LAMA2: variants seen among roughly 807,000 people sequenced by gnomAD.
LAMA2 encodes the protein laminin subunit alpha 2.
LAMA2 carries 269 observed loss-of-function variants against 364.8 expected under a neutral mutation model. That is an observed-to-expected ratio of 0.74 (90% confidence interval 0.67 to 0.82). The LOEUF is 0.82. Ranked by LOEUF, LAMA2 falls within the 40% of genes least tolerant of loss-of-function variation. LAMA2 has a pLI of 0.00. For missense variants in LAMA2, 3,807 were observed against 3,873.2 expected (o/e 0.98, Z 0.45); for synonymous variants, 1,379 against 1,370.6 (o/e 1.01, Z -0.14).
At chr6:129,354,060 G>A (rs1693213183) in intron 32 of LAMA2, among the ~76,000 whole-genome samples, 1 of 152,184 alleles carries the variant, frequency 6.6e-6, no homozygotes, top group African/African-American at 2.4e-5. Context: ...TAAGGAAGGA[G>A]TGCTCTTCTA....
chr6:129,144,550 T>C (rs1778319755), intron 5 of LAMA2, among the ~76,000 whole-genome samples: 1 of 151,904 alleles, frequency 6.6e-6, no homozygotes, highest in Non-Finnish European at 1.5e-5. Flanking sequence ...AACCTTAATG[T>C]GTATGGGATT....
chr6:129,219,697 AATC>A (rs1300558342), intron 12 of LAMA2, among the ~76,000 whole-genome samples: 65 of 142,150 alleles, frequency 4.6e-4, no homozygotes, highest in African/African-American at 1.5e-3. Context: ...TGAAATTGGA[AATC>A]ATCATTCTCA....
chr6:129,389,330 C>T (rs567509930), intron 35 of LAMA2, among the ~76,000 whole-genome samples: 47 of 152,302 alleles, frequency 3.1e-4, no homozygotes, highest in Non-Finnish European at 6.3e-4. Flanking sequence ...TGCCTTATAA[C>T]TGAAATGCAT....
chr6:128,992,172 C>T (rs1427935225), intron 1 of LAMA2, among the ~76,000 whole-genome samples: 5 of 152,176 alleles, frequency 3.3e-5, no homozygotes, highest in Non-Finnish European at 5.9e-5. Flanking sequence ...GTGAGGACAG[C>T]AATTCGTGCT....
intron 1 of LAMA2, among the ~76,000 whole-genome samples, chr6:128,911,881 A>T (rs920498504): frequency 2.6e-5 from 4 of 152,162 alleles, no homozygotes; most frequent in African/African-American, 9.7e-5. Flanking sequence ...AATTTCCTTT[A>T]TATGAAACAC....
intron 1 of LAMA2, among the ~76,000 whole-genome samples, chr6:128,986,995 A>G (rs1783282235): frequency 6.6e-6 from 1 of 152,004 alleles, no homozygotes; most frequent in South Asian, 2.1e-4. Context: ...AATATTATAT[A>G]TATAAATAGT....
intron 23 of LAMA2, among the ~76,000 whole-genome samples, chr6:129,313,819 A>C (rs1774381095): frequency 1.3e-5 from 2 of 152,228 alleles, no homozygotes; most frequent in Admixed American, 1.3e-4. Flanking sequence ...AATGGCCTTG[A>C]GAATTGAGGA....
intron 1 of LAMA2, among the ~76,000 whole-genome samples, chr6:128,935,279 T>A (rs766206624): frequency 1.4e-5 from 2 of 141,950 alleles, no homozygotes; most frequent in Non-Finnish European, 3.1e-5. Context: ...TGTGTTCTCA[T>A]TGTTCAACTC....
intron 15 of LAMA2, among the ~76,000 whole-genome samples, chr6:129,261,691 G>A (rs1054851147): frequency 6.6e-6 from 1 of 151,998 alleles, no homozygotes; most frequent in Admixed American, 6.6e-5. Context: ...AATACTCTAG[G>A]CATTGCTTTG....
At chr6:128,907,684 G>C (rs913122055) in intron 1 of LAMA2, among the ~76,000 whole-genome samples, 1 of 152,124 alleles carries the variant, frequency 6.6e-6, no homozygotes, top group Non-Finnish European at 1.5e-5. Context: ...GAATAGGAGT[G>C]GTGAGAGAGG....
chr6:129,113,897 G>T (rs953316207), intron 4 of LAMA2, among the ~76,000 whole-genome samples: 5 of 152,010 alleles, frequency 3.3e-5, no homozygotes, highest in Non-Finnish European at 7.4e-5. Flanking sequence ...AGGAGAGATA[G>T]TTTGGAACAT....
At chr6:129,202,899 T>A (rs1278824832) in intron 12 of LAMA2, among the ~76,000 whole-genome samples, 1 of 152,170 alleles carries the variant, frequency 6.6e-6, no homozygotes, top group Non-Finnish European at 1.5e-5. Context: ...AGATGGAAAT[T>A]TACTCCTACA....
At chr6:129,130,106 A>G (rs1441230442) in intron 4 of LAMA2, among the ~76,000 whole-genome samples, 1 of 152,248 alleles carries the variant, frequency 6.6e-6, no homozygotes, top group East Asian at 1.9e-4. Flanking sequence ...AGAAAGGATT[A>G]GAAACAGAAA....
At chr6:128,987,334 G>T (rs942288392) in intron 1 of LAMA2, among the ~76,000 whole-genome samples, 1 of 151,558 alleles carries the variant, frequency 6.6e-6, no homozygotes, top group African/African-American at 2.4e-5. Flanking sequence ...GGTAGAGACG[G>T]GTTTCACCAT....
intron 2 of LAMA2, 24 bp from the exon 3 acceptor site, chr6:129,059,760 C>T (rs753966648): frequency 2.0e-5 from 28 of 1,375,208 alleles, no homozygotes; most frequent in Non-Finnish European, 2.7e-5. Flanking sequence ...TTCTTCCTTT[C>T]ATATGATGCT....
At chr6:129,035,715 G>A (rs114391289) in intron 1 of LAMA2, among the ~76,000 whole-genome samples, 307 of 151,576 alleles carry the variant, frequency 2.0e-3, no homozygotes, top group African/African-American at 7.1e-3. Context: ...TCATTCTTCC[G>A]CTAGCCAGTT....
intron 12 of LAMA2, among the ~76,000 whole-genome samples, chr6:129,211,585 A>T (rs1261625671): frequency 2.6e-5 from 4 of 152,208 alleles, no homozygotes; most frequent in Non-Finnish European, 5.9e-5. Flanking sequence ...TGCCCGTGGT[A>T]AGTGTTCAAT....
At chr6:129,083,967 C>T (rs1405958306) in intron 3 of LAMA2, among the ~76,000 whole-genome samples, 1 of 152,156 alleles carries the variant, frequency 6.6e-6, no homozygotes, top group Non-Finnish European at 1.5e-5. Flanking sequence ...GTGCAAACTG[C>T]ACCGCAGGTG....
chr6:128,883,672 A>G (rs957239166), intron 1 of LAMA2, among the ~76,000 whole-genome samples: 25 of 152,028 alleles, frequency 1.6e-4, no homozygotes, highest in African/African-American at 5.8e-4. Context: ...ACTTTTTCCA[A>G]TTGGAAAAAA....
Sources: gnomAD v4.1 joint callset for allele counts (sites outside exome capture counted in the v4.1 genomes callset) on GRCh38, gnomAD v4.1.1 for gene constraint, MANE v1.5 for transcripts, NCBI Gene and HGNC (gene_info 2026-07-23, HGNC 2026-07-21) for gene names.